The following C1QL2 variants were observed in gnomAD, a reference collection of about 807,000 sequenced individuals.
C1QL2 encodes complement C1q-like protein 2.
In C1QL2, 13 loss-of-function variants were observed where a neutral mutation model predicts 16.6. The ratio of observed to expected loss-of-function variants is 0.78; its 90% CI spans 0.51 to 1.25. C1QL2 has a LOEUF of 1.25. Ranked by LOEUF, C1QL2 falls within the 50% of genes most tolerant of loss-of-function variation. C1QL2 has a pLI of 0.00. For missense variants in C1QL2, 396 were observed against 409.6 expected, an observed-to-expected ratio of 0.97 and a Z score of 0.29; for synonymous variants, 210 against 183.2, an observed-to-expected ratio of 1.15 and a Z score of -1.18.
At chr2:119,157,500 G>T in intron 1 of C1QL2, 86 bp downstream of exon 1, 1 of 1,487,134 alleles carries the variant, frequency 6.7e-7, no homozygotes, top group Non-Finnish European at 9.2e-7. Context: ...GTAGCCCGCG[G>T]GTGGAGAGAA....
At position 119,157,897 on chromosome 2, in the gene C1QL2, T is replaced by G; in HGVS notation, c.373A>C (p.Thr125Pro). 6.4e-7 allele frequency: 1 copy of G among 1,566,416 alleles called. No homozygotes were observed. The highest frequency in any genetic ancestry group is 8.6e-7 in the Non-Finnish European group (1 of 1,156,494). Reference sequence around the variant, plus strand: ...CCCACCACCCCGACGCCGCTGGCCGTGCCCGCCGTCAGTTGCAGCCCTGGC... The same window carrying G: ...CCCACCACCCCGACGCCGCTGGCCGGGCCCGCCGTCAGTTGCAGCCCTGGC... ...GLPGLQLTAG[T>P]ASGVGVVGGG... Residue 125 changes from threonine to proline, a missense_variant, in exon 1 of 2, where the codon ACG becomes CCG. Thr to Pro is a conservative substitution (Grantham distance 38). This residue lies in a region of C1QL2 where 353 missense variants were observed against 334.8 expected (regional missense o/e 1.05). Transcript: ENST00000272520.
At position 119,158,071 on chromosome 2, in the gene C1QL2, C is replaced by T. The variant is rs946660207; in HGVS notation, c.199G>A (p.Ala67Thr). The T allele has an allele frequency of 8.5e-6, 13 of 1,529,528 alleles. No homozygotes were observed. In the African/African-American group the frequency reaches 1.7e-4, roughly 20 times the overall value. The allele number at this position is 1,529,528 out of a possible 1,614,324, so 94.7% of individuals were successfully genotyped here. ...AALEVMQDLS[A>T]NPPPPFIQGP... ...TGGATGAAAGGAGGAGGAGGGTTGG[C>T]GCTGAGGTCCTGCATGACTTCCAGG... Residue 67 changes from alanine to threonine, a missense_variant, in exon 1 of 2, where the codon GCC (alanine) becomes ACC (threonine). This residue lies in a region of C1QL2 where 353 missense variants were observed against 334.8 expected (regional missense o/e 1.05). Transcript: ENST00000272520.
rs768061253 is a variant in C1QL2, at chr2:119,156,814, C to A, written c.852G>T (p.Leu284=). 5.0e-6 allele frequency: 8 copies of A among 1,613,632 alleles called. No individual in the cohort carries two copies. In the Admixed American group the frequency reaches 1.3e-4, roughly 27 times the overall value. Residue 284 remains leucine, a synonymous_variant, in exon 2 of 2, where the codon CTG becomes CTT. Coordinates refer to ENST00000272520, the MANE Select transcript of C1QL2 (RefSeq NM_182528.4). ...NKYSTFSGFL[L]YPD is the part of the protein sequence containing the mutation. Reference sequence around the variant, plus strand: ...ACCCCCCGCGCCCCTAATCCGGGTACAGAAGAAAGCCCGAGAACGTGCTGT... The same window carrying A: ...ACCCCCCGCGCCCCTAATCCGGGTAAAGAAGAAAGCCCGAGAACGTGCTGT...
chr2:119,157,788 A>T lies in C1QL2; in HGVS notation c.482T>A (p.Phe161Tyr). 6.2e-7 allele frequency: 1 copy of T among 1,609,232 alleles called. No homozygotes were observed. Among genetic ancestry groups the T allele is most frequent in the Non-Finnish European group, 8.5e-7 (1 of 1,177,674 alleles). Residue 161 changes from phenylalanine (F) to tyrosine (Y), a missense_variant, in exon 1 of 2, where the codon TTC (phenylalanine) becomes TAC (tyrosine). Phe to Tyr is a conservative substitution (Grantham distance 22). Transcript: ENST00000272520. ...GTGGGGGCTCTTGAGACCCACATAG[A>T]AGGCGATCTTGGGGCCGCTGAAGGT... is the stretch of plus-strand genomic sequence containing the variant. ...SATFSGPKIA[F>Y]YVGLKSPHEG... is the part of the protein sequence containing the mutation.
chr2:119,158,107 T>C lies in C1QL2; in HGVS notation c.163A>G (p.Ser55Gly). 6.5e-7 allele frequency: 1 copy of C among 1,533,826 alleles called. No homozygotes were observed. The highest frequency in any genetic ancestry group is 8.8e-7 in the Non-Finnish European group (1 of 1,141,578). The change falls in exon 1 of 2, where the codon AGC (serine) becomes GGC (glycine). Residue 55 changes from serine (S) to glycine (G), a missense_variant. Ser to Gly is a moderately conservative substitution (Grantham distance 56, BLOSUM62 0). Transcript: ENST00000272520. ...TGCATGACTTCCAGGGCGGCGGTGC[T>C]GGGTCCGGGTGGCTGCGCCTTTGCA... The part of the protein sequence containing the change: ...PGAKAQPPGP[S>G]TAALEVMQDL...
At position 119,156,898 on chromosome 2, in the gene C1QL2, C is replaced by T; in HGVS notation, c.768G>A (p.Gly256=). 5 of 1,614,072 alleles carry T rather than the reference C, an allele frequency of 3.1e-6. No homozygotes were observed. The highest frequency in any genetic ancestry group is 4.2e-6 in the Non-Finnish European group (5 of 1,179,938). The part of the protein sequence containing the change: ...SNSVVLHLDS[G]DEVYVKLDGG... The stretch of plus-strand genomic sequence containing the variant: ...CATCCAGCTTCACATACACTTCGTC[C>T]CCTGAATCCAAGTGCAGCACCACGC... Residue 256 remains glycine (G), a synonymous_variant, in exon 2 of 2, where the codon GGG becomes GGA. Transcript: ENST00000272520.
intron 1 of C1QL2, 150 bp downstream of exon 1, chr2:119,157,436 C>T (rs906335177): frequency 4.0e-6 from 4 of 993,844 alleles, no homozygotes; most frequent in Non-Finnish European, 4.4e-6. Context: ...CTCGGCGCAT[C>T]GGGAAGCGGA....
chr2:119,158,453 C>T lies in C1QL2; in HGVS notation c.-184G>A, dbSNP rs1347718551. 2.7e-6 allele frequency: 1 copy of T among 371,412 alleles called. No individual in the cohort carries two copies. The allele number at this position is 371,412 out of a possible 1,614,324, so 23.0% of individuals were successfully genotyped here. On this transcript the variant is annotated 5_prime_UTR_variant, in exon 1 of 2. Coordinates refer to ENST00000272520, the MANE Select transcript of C1QL2 (RefSeq NM_182528.4). ...CTGGCCGCGCCCCCGACGTGGCGAC[C>T]CCCAGCCCCGGCTACCCAACTACTT...
Position 119,156,659 on chromosome 2 carries a change from G to T in C1QL2, c.*143C>A. ...TCGCAGACGCACTGAGGCCAGGAGC[G>T]GGGCAGGGAGGACGCAGGGATTTGT... On this transcript the variant is annotated 3_prime_UTR_variant, in exon 2 of 2. Transcript: ENST00000272520. The T allele has an allele frequency of 2.0e-6, 2 of 976,426 alleles. No homozygotes were observed. The highest frequency in any genetic ancestry group is 1.5e-6 in the Non-Finnish European group (1 of 680,786). 60.5% of individuals were successfully genotyped at this position (976,426 alleles called of 1,614,324 possible).
intron 1 of C1QL2, 35 bp from the exon 2 acceptor site, chr2:119,157,016 C>A (rs748137210): frequency 3.1e-6 from 5 of 1,606,362 alleles, no homozygotes; most frequent in Non-Finnish European, 4.2e-6. Context: ...TGAGCCGGGG[C>A]ACCTCTTCCC....
At position 119,158,105 on chromosome 2, in the gene C1QL2, G is replaced by T; in HGVS notation, c.165C>A (p.Ser55Arg). Residue 55 changes from serine to arginine, a missense_variant, in exon 1 of 2, where the codon AGC becomes AGA. Transcript: ENST00000272520. Reference protein sequence around the residue: ...PGAKAQPPGPSTAALEVMQDL... With the variant: ...PGAKAQPPGPRTAALEVMQDL... ...CCTGCATGACTTCCAGGGCGGCGGT[G>T]CTGGGTCCGGGTGGCTGCGCCTTTG... 7 of 1,534,252 alleles carry T rather than the reference G, an allele frequency of 4.6e-6. No individual in the cohort carries two copies. Among genetic ancestry groups the T allele is most frequent in the Non-Finnish European group, 6.1e-6 (7 of 1,141,540 alleles).
In C1QL2 at chr2:119,158,044, C is replaced by G. The variant is rs778229091; in HGVS notation, c.226G>C (p.Gly76Arg). The change falls in exon 1 of 2, where the codon GGA (glycine) becomes CGA (arginine). Residue 76 changes from glycine to arginine, a missense_variant. Around this residue, in one of 2 missense-constraint regions of C1QL2, gnomAD observed 353 missense variants for 334.8 expected, o/e 1.05. Coordinates refer to ENST00000272520, the MANE Select transcript of C1QL2 (RefSeq NM_182528.4). ...GGTCGCCCCGGGTCGCCCTTGGGTC[C>G]CTGGATGAAAGGAGGAGGAGGGTTG... is the stretch of plus-strand genomic sequence containing the variant. ...SANPPPPFIQ[G>R]PKGDPGRPGK... The G allele has an allele frequency of 2.0e-5, 31 of 1,530,140 alleles. 2 individuals are homozygous for G. In the South Asian group the frequency reaches 3.8e-4, roughly 19 times the overall value. 94.8% of individuals were successfully genotyped at this position (1,530,140 alleles called of 1,614,324 possible). A position where few individuals can be genotyped will look rare whatever the true frequency, so the allele number is the denominator to read the frequency against.
chr2:119,156,762 G>A lies in C1QL2; in HGVS notation c.*40C>T, dbSNP rs775097883. On this transcript the variant is annotated 3_prime_UTR_variant, in exon 2 of 2. Coordinates refer to ENST00000272520, the MANE Select transcript of C1QL2 (RefSeq NM_182528.4). ...AAGGAGCCGCGCCCGGGCGGAGACCGGGCGGCCTGCAGCCACCCCGCCTCG... is the reference window on the plus strand; with the variant it reads ...AAGGAGCCGCGCCCGGGCGGAGACCAGGCGGCCTGCAGCCACCCCGCCTCG... 5.0e-6 allele frequency: 8 copies of A among 1,593,454 alleles called. No homozygotes were observed. The highest frequency in any genetic ancestry group is 6.8e-6 in the Non-Finnish European group (8 of 1,170,300).
In C1QL2 at chr2:119,157,910, T is replaced by A. The variant is rs1251943271; in HGVS notation, c.360A>T (p.Gln120His). 1.9e-6 allele frequency: 3 copies of A among 1,562,528 alleles called. No homozygotes were observed. The Admixed American group carries it at 5.6e-5, about 29-fold the overall frequency. Reference sequence around the variant, plus strand: ...CGCCGCTGGCCGTGCCCGCCGTCAGTTGCAGCCCTGGCAGCCCGGGCCGCC... The same window carrying A: ...CGCCGCTGGCCGTGCCCGCCGTCAGATGCAGCCCTGGCAGCCCGGGCCGCC... ...DSGRPGLPGL[Q>H]LTAGTASGVG... The change falls in exon 1 of 2, where the codon CAA becomes CAT. Residue 120 changes from glutamine to histidine, a missense_variant. By Grantham distance (24) the Gln-to-His change is conservative. Coordinates refer to ENST00000272520, the MANE Select transcript of C1QL2 (RefSeq NM_182528.4).
Position 119,157,622 on chromosome 2 carries a change from G to A in C1QL2, c.648C>T (p.Gly216=). Residue 216 remains glycine, a synonymous_variant, in exon 1 of 2, where the codon GGC becomes GGT. Coordinates refer to ENST00000272520, the MANE Select transcript of C1QL2 (RefSeq NM_182528.4). ...TGCAGAGGTCCGCCCACATGCTGGT[G>A]CCGTCGCCGCCGCGCATGAGGATGT... ...TYHILMRGGD[G]TSMWADLCKN... 6.2e-7 allele frequency: 1 copy of A among 1,614,188 alleles called. No homozygotes were observed. The highest frequency in any genetic ancestry group is 1.3e-5 in the African/African-American group (1 of 75,060).
chr2:119,157,304 G>T (rs914067145), intron 1 of C1QL2, among the ~76,000 whole-genome samples: 1 of 152,194 alleles, frequency 6.6e-6, no homozygotes, highest in South Asian at 2.1e-4. Context: ...AAGAACTGAG[G>T]TTTCCGAGAA....
In C1QL2 at chr2:119,158,019, G is replaced by C; in HGVS notation, c.251C>G (p.Pro84Arg). ...GGGCCCCCGCGGCCCTGGCTTGCCCGGTCGCCCCGGGTCGCCCTTGGGTCC... is the reference window on the plus strand; with the variant it reads ...GGGCCCCCGCGGCCCTGGCTTGCCCCGTCGCCCCGGGTCGCCCTTGGGTCC... ...IQGPKGDPGRPGKPGPRGPPG... is the reference protein window; with the variant it reads ...IQGPKGDPGRRGKPGPRGPPG... Residue 84 changes from proline to arginine, a missense_variant, in exon 1 of 2, where the codon CCG becomes CGG. This residue lies in a region of C1QL2 where 353 missense variants were observed against 334.8 expected (regional missense o/e 1.05). Transcript: ENST00000272520. 6.6e-7 allele frequency: 1 copy of C among 1,526,406 alleles called. No individual in the cohort carries two copies. The highest frequency in any genetic ancestry group is 8.8e-7 in the Non-Finnish European group (1 of 1,137,540). The allele number at this position is 1,526,406 out of a possible 1,614,324, so 94.6% of individuals were successfully genotyped here.
chr2:119,158,288 G>C lies in C1QL2; in HGVS notation c.-19C>G. The stretch of plus-strand genomic sequence containing the variant: ...GCGCCATGGCCAAGAGTACGCCGAC[G>C]GCCGCCAGGCAGGCACGCCGCCGCC... On this transcript the variant is annotated 5_prime_UTR_variant, in exon 1 of 2. Transcript: ENST00000272520. 4.3e-6 allele frequency: 6 copies of C among 1,391,508 alleles called. No individual in the cohort carries two copies. The highest frequency in any genetic ancestry group is 5.6e-6 in the Non-Finnish European group (6 of 1,081,020). The allele number at this position is 1,391,508 out of a possible 1,614,324, so 86.2% of individuals were successfully genotyped here. A position where few individuals can be genotyped will look rare whatever the true frequency, so the allele number is the denominator to read the frequency against.
chr2:119,156,594 T>C lies in C1QL2; in HGVS notation c.*208A>G. On this transcript the variant is annotated 3_prime_UTR_variant, in exon 2 of 2. Coordinates refer to ENST00000272520, the MANE Select transcript of C1QL2 (RefSeq NM_182528.4). Reference sequence around the variant, plus strand: ...GGCGTCCCTTCCTCCCTTGCCGGGATGGGGATGGAGACCAGGAGCACAGCC... The same window carrying C: ...GGCGTCCCTTCCTCCCTTGCCGGGACGGGGATGGAGACCAGGAGCACAGCC... 1 of 572,496 alleles carries C rather than the reference T, an allele frequency of 1.7e-6. No individual in the cohort carries two copies. Among genetic ancestry groups the C allele is most frequent in the East Asian group, 3.2e-5 (1 of 31,280 alleles). The allele number at this position is 572,496 out of a possible 1,614,324, so 35.5% of individuals were successfully genotyped here. A position where few individuals can be genotyped will look rare whatever the true frequency, so the allele number is the denominator to read the frequency against.
Sources: gnomAD v4.1 joint callset for allele counts (sites outside exome capture counted in the v4.1 genomes callset) on GRCh38, gnomAD v4.1.1 for gene constraint, gnomAD v4.1.1 regional missense constraint, MANE v1.5 for transcripts, NCBI Gene and HGNC (gene_info 2026-07-23, HGNC 2026-07-21) for gene names.